The following PDE4D variants were observed in gnomAD, a reference collection of about 807,000 sequenced individuals.
The protein encoded by PDE4D is 3',5'-cyclic-AMP phosphodiesterase 4D.
PDE4D carries 24 observed loss-of-function variants against 87.4 expected under a neutral mutation model. The observed-to-expected ratio is 0.27, with a 90% CI of 0.20 to 0.39. The LOEUF (loss-of-function observed/expected upper bound fraction) is 0.39. PDE4D is among the 10% of genes least tolerant of loss of function. PDE4D has a pLI of 1.00. For synonymous variants in PDE4D, 384 were observed against 383.2 expected (o/e 1.00, Z -0.02); for missense variants, 714 against 1,041.0 (o/e 0.69, Z 4.32).
At chr5:59,072,016 T>C (rs551059345) in intron 5 of PDE4D, among the ~76,000 whole-genome samples, 2 of 152,306 alleles carry the variant, frequency 1.3e-5, no homozygotes, top group South Asian at 4.2e-4. Context: ...GTTGGTCTTT[T>C]TCCATTTGTT....
rs148389078 is a variant in PDE4D, at chr5:59,789,329, C to T, written c.455+103839G>A. On this transcript the variant is annotated intron_variant, in intron 1 of 14. Coordinates refer to ENST00000340635, the MANE Select transcript of PDE4D (RefSeq NM_001104631.2). ...CTGGTTTCTAAAAGGCCAGAGCTGT[C>T]TCATGACAGATCAAGCTGCCTGGAA... 8.5e-3 allele frequency among the ~76,000 whole-genome samples: 1,293 copies of T among 152,320 alleles called. 21 individuals carry two copies. The highest frequency in any genetic ancestry group is 0.03 in the African/African-American group (1,238 of 41,562).
intron 1 of PDE4D, among the ~76,000 whole-genome samples, chr5:59,547,542 GAC>G (rs1439244680): frequency 1.3e-5 from 2 of 152,068 alleles, no homozygotes; most frequent in Non-Finnish European, 2.9e-5. Context: ...TGACTTTTTT[GAC>G]AGTTTTATCT....
rs1769794679 is a variant in PDE4D, at chr5:60,049,441, T to A, written c.43-60724A>T. Among the ~76,000 whole-genome samples, 4 of 152,370 alleles carry A rather than the reference T, an allele frequency of 2.6e-5. No homozygotes were observed. In the Middle Eastern group the frequency reaches 0.014, roughly 518 times the overall value. ...CGTTCCTTTGGACGAGGAGAGGCAC[T>A]CTGCTTTTTAGAGTTTCCAGTTTTT... is the stretch of plus-strand genomic sequence containing the variant. On this transcript the variant is annotated intron_variant, in intron 2 of 16. Coordinates refer to the PDE4D transcript ENST00000502484.
intron 1 of PDE4D, among the ~76,000 whole-genome samples, chr5:59,681,685 G>A (rs1359975192): frequency 1.3e-5 from 2 of 152,020 alleles, no homozygotes; most frequent in Non-Finnish European, 2.9e-5. Flanking sequence ...TGGCTCACGA[G>A]GTCAGCAGAT....
chr5:59,360,335 G>A (rs1396109861), intron 1 of PDE4D, among the ~76,000 whole-genome samples: 1 of 152,136 alleles, frequency 6.6e-6, no homozygotes, highest in Non-Finnish European at 1.5e-5. Flanking sequence ...ATTGCTTCAG[G>A]AAACCAGAGC....
At chr5:59,316,221 A>G (rs1449706049) in intron 1 of PDE4D, among the ~76,000 whole-genome samples, 2 of 152,192 alleles carry the variant, frequency 1.3e-5, no homozygotes, top group African/African-American at 4.8e-5. Context: ...GCAGATTGCC[A>G]GTCTGAGTTT....
chr5:60,234,631 T>A (rs1428863172), intron 1 of PDE4D, among the ~76,000 whole-genome samples: 1 of 151,910 alleles, frequency 6.6e-6, no homozygotes, highest in Non-Finnish European at 1.5e-5. Flanking sequence ...TCATTCTTAT[T>A]TAAATTTTTG....
At chr5:59,785,219 TAAG>T (rs1765051614) in intron 1 of PDE4D, among the ~76,000 whole-genome samples, 2 of 152,226 alleles carry the variant, frequency 1.3e-5, no homozygotes, top group African/African-American at 2.4e-5. Context: ...CATAAGCATA[TAAG>T]AAGAATACAA....
At chr5:60,515,316 C>T (rs936975088) in intron 1 of PDE4D, among the ~76,000 whole-genome samples, 1 of 152,058 alleles carries the variant, frequency 6.6e-6, no homozygotes, top group African/African-American at 2.4e-5. Context: ...AGACTGTTGA[C>T]CCTTTTATTG....
At chr5:59,139,251 G>A (rs1777553882) in intron 5 of PDE4D, among the ~76,000 whole-genome samples, 1 of 152,158 alleles carries the variant, frequency 6.6e-6, no homozygotes, top group African/African-American at 2.4e-5. Context: ...TTTATGTTTG[G>A]TATCTCACAC....
chr5:60,396,542 G>A (rs907420523), intron 1 of PDE4D, among the ~76,000 whole-genome samples: 2 of 151,974 alleles, frequency 1.3e-5, no homozygotes, highest in African/African-American at 4.8e-5. Flanking sequence ...TAGAGACAGG[G>A]TCTTGCTCTG....
intron 5 of PDE4D, chr5:59,179,740 C>A: frequency 2.6e-6 from 1 of 382,948 alleles, no homozygotes; most frequent in Non-Finnish European, 5.0e-6. Context: ...ACACTTGAAT[C>A]CAATGACGAA....
intron 1 of PDE4D, among the ~76,000 whole-genome samples, chr5:59,848,571 G>GTATC (rs1561760961): frequency 6.6e-6 from 1 of 151,826 alleles, no homozygotes; most frequent in African/African-American, 2.4e-5. Flanking sequence ...CAAACTGCAT[G>GTATC]TATCTATGTA....
At chr5:59,125,439 T>A (rs1426592602) in intron 5 of PDE4D, 2 of 190,540 alleles carry the variant, frequency 1.0e-5, no homozygotes, top group Non-Finnish European at 1.9e-5. Flanking sequence ...CTCATCGGGC[T>A]TCCTAGCACT....
chr5:59,520,119 T>C (rs1047669810), intron 1 of PDE4D, among the ~76,000 whole-genome samples: 4 of 152,030 alleles, frequency 2.6e-5, no homozygotes, highest in African/African-American at 7.2e-5. Flanking sequence ...AAAAATTAGC[T>C]GGGTGTGGTG....
At chr5:59,752,215 C>T (rs1021459096) in intron 1 of PDE4D, among the ~76,000 whole-genome samples, 1 of 152,076 alleles carries the variant, frequency 6.6e-6, no homozygotes, top group Non-Finnish European at 1.5e-5. Flanking sequence ...TCAAATTAAG[C>T]TTCTAGATTT....
chr5:59,445,260 T>C (rs1318432072), intron 1 of PDE4D, among the ~76,000 whole-genome samples: 2 of 152,238 alleles, frequency 1.3e-5, no homozygotes, highest in African/African-American at 4.8e-5. Context: ...TCAAGATAAA[T>C]AAGTCAATTT....
intron 3 of PDE4D, among the ~76,000 whole-genome samples, chr5:59,921,095 A>G (rs1039315810): frequency 6.6e-6 from 1 of 152,232 alleles, no homozygotes; most frequent in Non-Finnish European, 1.5e-5. Flanking sequence ...AGTACCTGCC[A>G]CATAAAACAT....
intron 1 of PDE4D, among the ~76,000 whole-genome samples, chr5:59,439,948 T>C (rs1174856920): frequency 6.6e-6 from 1 of 152,180 alleles, no homozygotes; most frequent in Admixed American, 6.5e-5. Flanking sequence ...TCAATAGATA[T>C]TAGCTGCCAT....
Sources: allele counts gnomAD v4.1 joint callset (sites outside exome capture counted in the v4.1 genomes callset), GRCh38; gene constraint gnomAD v4.1.1; transcripts MANE v1.5; gene names NCBI Gene and HGNC (gene_info 2026-07-23, HGNC 2026-07-21).